The following EXPH5 variants were observed in gnomAD, a reference collection of about 807,000 sequenced individuals.
EXPH5 encodes the protein exophilin 5, also known as exophilin-5.
A neutral mutation model predicts 41.1 loss-of-function variants in EXPH5; 42 were observed. The ratio of observed to expected loss-of-function variants is 1.02; its 90% CI spans 0.80 to 1.32. The LOEUF (loss-of-function observed/expected upper bound fraction) is 1.32, where lower values mean the gene tolerates loss of function less well. Among genes scored for constraint, EXPH5 ranks in the 40% most tolerant of loss-of-function variants. The pLI is 0.00. For synonymous variants in EXPH5, 798 were observed against 833.5 expected, an observed-to-expected ratio of 0.96 and a Z score of 0.73; for missense variants, 2,298 against 2,314.5, an observed-to-expected ratio of 0.99 and a Z score of 0.15.
At chr11:108,545,321 T>C (rs886711919) in intron 1 of EXPH5, among the ~76,000 whole-genome samples, 11 of 152,112 alleles carry the variant, frequency 7.2e-5, no homozygotes, top group African/African-American at 2.7e-4. Flanking sequence ...TGCTGAGGTA[T>C]ATATGTAATA....
chr11:108,604,829 A>G, the EXPH5 span, among the ~76,000 whole-genome samples: 1 of 152,152 alleles, frequency 6.6e-6, no homozygotes, highest in South Asian at 2.1e-4. Flanking sequence ...ATTAGGATGA[A>G]ATCAGTTTTA....
intron 1 of EXPH5, among the ~76,000 whole-genome samples, chr11:108,549,271 G>A (rs1159676364): frequency 6.6e-6 from 1 of 152,212 alleles, no homozygotes; most frequent in Non-Finnish European, 1.5e-5. Flanking sequence ...CAGAGGCCCA[G>A]CCCTCTGTTC....
chr11:108,541,220 A>G (rs140639305), intron 2 of EXPH5, among the ~76,000 whole-genome samples: 12 of 152,242 alleles, frequency 7.9e-5, no homozygotes, highest in Non-Finnish European at 1.3e-4. Context: ...AGCTTAATAC[A>G]TTATAAACAT....
At chr11:108,584,794 A>G (rs921311321) in intron 1 of EXPH5, among the ~76,000 whole-genome samples, 5 of 152,236 alleles carry the variant, frequency 3.3e-5, no homozygotes, top group Non-Finnish European at 1.5e-5. Flanking sequence ...TAAAACTATA[A>G]AACTTTAAAA....
At chr11:108,541,127 A>T (rs2093910361) in intron 2 of EXPH5, among the ~76,000 whole-genome samples, 1 of 150,430 alleles carries the variant, frequency 6.6e-6, no homozygotes, top group Non-Finnish European at 1.5e-5. Context: ...CTCGTCTCAA[A>T]CTCCTGAGCT....
Position 108,514,104 on chromosome 11 carries a change from C to T in EXPH5, c.1403G>A (p.Arg468Gln), listed in dbSNP as rs1351444041. Reference protein sequence around the residue: ...TRSFFSNTFGRSGEQRRFGQG... With the variant: ...TRSFFSNTFGQSGEQRRFGQG... Reference sequence around the variant, plus strand: ...TCCAAATCTCCTCTGTTCTCCGCTTCGTCCAAAGGTATTGCTGAAGAAAGA... The same window carrying T: ...TCCAAATCTCCTCTGTTCTCCGCTTTGTCCAAAGGTATTGCTGAAGAAAGA... The change falls in exon 6 of 6, where the codon CGA (arginine) becomes CAA (glutamine). Residue 468 changes from arginine to glutamine, a missense_variant. By Grantham distance (43) the Arg-to-Gln change is conservative (BLOSUM62 1). Transcript: ENST00000265843. 1.1e-5 allele frequency: 17 copies of T among 1,613,372 alleles called. No homozygotes were observed. The highest frequency in any genetic ancestry group is 3.3e-5 in the Admixed American group (2 of 59,914).
Position 108,510,515 on chromosome 11 carries a change from C to T in EXPH5, c.4992G>A (p.Lys1664=), listed in dbSNP as rs891233254. 2.1e-5 allele frequency: 34 copies of T among 1,614,056 alleles called. No homozygotes were observed. Among genetic ancestry groups the T allele is most frequent in the Non-Finnish European group, 2.7e-5 (32 of 1,180,052 alleles). ...GAAGGTTCTCGGATTTCTTCACATG[C>T]TTTCCGTTCTCACTCAACCTGCTTT... ...IGESRLSENG[K]HVKKSENLLP... The change falls in exon 6 of 6, where the codon AAG becomes AAA. Residue 1664 remains lysine, a synonymous_variant. Transcript: ENST00000265843.
chr11:108,558,861 A>G (rs1414343400), intron 1 of EXPH5, among the ~76,000 whole-genome samples: 2 of 152,148 alleles, frequency 1.3e-5, no homozygotes, highest in African/African-American at 4.8e-5. Flanking sequence ...CACCTAGATT[A>G]TTTCATTTAA....
At position 108,505,843 on chromosome 11, in the gene EXPH5, C is replaced by T. The variant is rs374854703; in HGVS notation, c.*3694G>A. 6.6e-6 allele frequency: 1 copy of T among 152,240 alleles called. No individual in the cohort carries two copies. The highest frequency in any genetic ancestry group is 2.4e-5 in the African/African-American group (1 of 41,548). 9.4% of individuals were successfully genotyped at this position (152,240 alleles called of 1,614,324 possible). A position where few individuals can be genotyped will look rare whatever the true frequency, so the allele number is the denominator to read the frequency against. The stretch of plus-strand genomic sequence containing the variant: ...GCCATAACCTAAATGGATTTTTACC[C>T]CCTCCAGTACACATATTTACCTCCT... On this transcript the variant is annotated 3_prime_UTR_variant, in exon 6 of 6. Coordinates refer to ENST00000265843, the MANE Select transcript of EXPH5 (RefSeq NM_015065.3).
intron 1 of EXPH5, among the ~76,000 whole-genome samples, chr11:108,564,593 G>A (rs191453545): frequency 6.6e-6 from 1 of 152,246 alleles, no homozygotes; most frequent in African/African-American, 2.4e-5. Flanking sequence ...TTCAAAACTA[G>A]CATTGTGCCC....
At position 108,591,103 on chromosome 11, in the gene EXPH5, G is replaced by T. The variant is rs540310037; in HGVS notation, c.119+2315C>A. 1.3e-4 allele frequency among the ~76,000 whole-genome samples: 20 copies of T among 152,278 alleles called. No individual in the cohort carries two copies. In the South Asian group the frequency reaches 4.1e-3, roughly 32 times the overall value. The stretch of plus-strand genomic sequence containing the variant: ...CTTATTGTTCTAGTCAAGAGGTCTT[G>T]AAGCTCTTTCTCAATACAGTAAAAA... On this transcript the variant is annotated intron_variant, in intron 1 of 5. Coordinates refer to ENST00000265843, the MANE Select transcript of EXPH5 (RefSeq NM_015065.3).
intron 3 of EXPH5, among the ~76,000 whole-genome samples, chr11:108,531,787 A>C (rs1302577724): frequency 6.6e-6 from 1 of 152,236 alleles, no homozygotes; most frequent in Non-Finnish European, 1.5e-5. Context: ...CTACTTGTCC[A>C]AAACGGAATC....
chr11:108,587,154 G>C (rs2094115707), intron 1 of EXPH5, among the ~76,000 whole-genome samples: 1 of 152,136 alleles, frequency 6.6e-6, no homozygotes, highest in Non-Finnish European at 1.5e-5. Flanking sequence ...TTAAGTTTTA[G>C]GGTACATGTG....
the EXPH5 span, among the ~76,000 whole-genome samples, chr11:108,600,786 C>T: frequency 2.6e-5 from 4 of 152,150 alleles, no homozygotes; most frequent in Non-Finnish European, 4.4e-5. Flanking sequence ...AGGATTCTAG[C>T]CATCCCTTTT....
At chr11:108,582,180 C>T (rs1205354254) in intron 1 of EXPH5, among the ~76,000 whole-genome samples, 1 of 152,104 alleles carries the variant, frequency 6.6e-6, no homozygotes, top group Non-Finnish European at 1.5e-5. Flanking sequence ...AAATAGTATA[C>T]AGGCTGGGCG....
intron 1 of EXPH5, among the ~76,000 whole-genome samples, chr11:108,584,219 T>C (rs1461128665): frequency 6.6e-6 from 1 of 152,200 alleles, no homozygotes; most frequent in Non-Finnish European, 1.5e-5. Context: ...CTCACACTTA[T>C]AATCCCAGCA....
intron 3 of EXPH5, among the ~76,000 whole-genome samples, chr11:108,531,171 A>G (rs1414648920): frequency 6.6e-6 from 1 of 152,178 alleles, no homozygotes; most frequent in Non-Finnish European, 1.5e-5. Context: ...CTGACAGTCA[A>G]CTTTCACAAT....
chr11:108,567,243 G>A (rs1448749439), intron 1 of EXPH5, among the ~76,000 whole-genome samples: 2 of 152,154 alleles, frequency 1.3e-5, no homozygotes, highest in African/African-American at 4.8e-5. Context: ...TAGGACTTTA[G>A]TTTCCAATAT....
the EXPH5 span, among the ~76,000 whole-genome samples, chr11:108,602,717 A>G: frequency 6.6e-6 from 1 of 152,302 alleles, no homozygotes; most frequent in Admixed American, 6.5e-5. Context: ...ACCCATCTAA[A>G]ACTGTCTTTA....
Sources: gnomAD v4.1 joint callset for allele counts (sites outside exome capture counted in the v4.1 genomes callset) on GRCh38, gnomAD v4.1.1 for gene constraint, MANE v1.5 for transcripts, NCBI Gene and HGNC (gene_info 2026-07-23, HGNC 2026-07-21) for gene names.